The following PDE11A variants were observed in gnomAD, a reference collection of about 807,000 sequenced individuals.
PDE11A encodes the protein phosphodiesterase 11A.
A neutral mutation model predicts 100.5 loss-of-function variants in PDE11A; 100 were observed. That is an observed-to-expected ratio of 1.00 (90% CI 0.85 to 1.18). The LOEUF is 1.18. PDE11A is among the 50% of genes most tolerant of loss of function. The probability of loss-of-function intolerance (pLI) is 0.00; values close to 1 mark genes in which losing one functional copy is unlikely to be tolerated. For synonymous variants in PDE11A, 381 were observed against 420.8 expected (o/e 0.91, Z 1.16); for missense variants, 1,141 against 1,152.6 (o/e 0.99, Z 0.15).
At chr2:177,837,567 G>A (rs1422148418) in intron 6 of PDE11A, among the ~76,000 whole-genome samples, 2 of 151,402 alleles carry the variant, frequency 1.3e-5, no homozygotes, top group East Asian at 1.9e-4. Context: ...TCTGCTTCCC[G>A]GGTTTACGGA....
intron 4 of PDE11A, among the ~76,000 whole-genome samples, chr2:177,885,813 A>G (rs929588828): frequency 1.3e-5 from 2 of 152,218 alleles, no homozygotes; most frequent in South Asian, 4.1e-4. Flanking sequence ...ATGTACATTT[A>G]CATAAGGACC....
At chr2:177,919,869 C>A (rs900117844) in intron 2 of PDE11A, among the ~76,000 whole-genome samples, 1 of 151,824 alleles carries the variant, frequency 6.6e-6, no homozygotes, top group African/African-American at 2.4e-5. Context: ...ATAAGAGGAA[C>A]CAATTGTAAG....
chr2:178,033,736 G>A (rs2086575968), intron 1 of PDE11A, among the ~76,000 whole-genome samples: 1 of 151,924 alleles, frequency 6.6e-6, no homozygotes, highest in African/African-American at 2.4e-5. Context: ...AGAGAGTGGG[G>A]GCCAATATTC....
At chr2:177,711,360 T>G (rs1034834605) in intron 13 of PDE11A, among the ~76,000 whole-genome samples, 1 of 152,258 alleles carries the variant, frequency 6.6e-6, no homozygotes, top group Non-Finnish European at 1.5e-5. Flanking sequence ...GAAGAGACTC[T>G]GTTGGAGAAG....
chr2:177,831,673 T>G (rs974452641), intron 6 of PDE11A, among the ~76,000 whole-genome samples: 4 of 152,190 alleles, frequency 2.6e-5, no homozygotes, highest in Non-Finnish European at 5.9e-5. Context: ...CATTCATAAG[T>G]TGCTGCTGAA....
chr2:177,705,290 T>C (rs1184165175), intron 13 of PDE11A, among the ~76,000 whole-genome samples: 1 of 152,086 alleles, frequency 6.6e-6, no homozygotes, highest in Non-Finnish European at 1.5e-5. Flanking sequence ...GCACACCTCA[T>C]TTTAATTGTT....
At chr2:177,787,991 T>C (rs2082565621) in intron 9 of PDE11A, among the ~76,000 whole-genome samples, 1 of 151,584 alleles carries the variant, frequency 6.6e-6, no homozygotes, top group African/African-American at 2.4e-5. Context: ...AGACAGAAAG[T>C]TAACAAGGAT....
rs2086288189 is a variant in PDE11A, at chr2:178,012,847, G to A, written c.1071+1455C>T. On this transcript the variant is annotated intron_variant, in intron 2 of 19. Transcript: ENST00000286063. The stretch of plus-strand genomic sequence containing the variant: ...AGGGGTATGGTATGGGTATGTAGTG[G>A]TTATATTTGGAAAGACGCAAAACCC... Among the ~76,000 whole-genome samples, 3 of 152,114 alleles carry A rather than the reference G, an allele frequency of 2.0e-5. No homozygotes were observed. The South Asian group carries it at 6.2e-4, about 32-fold the overall frequency.
intron 5 of PDE11A, among the ~76,000 whole-genome samples, chr2:177,846,726 T>C (rs1036801693): frequency 6.6e-5 from 10 of 152,294 alleles, no homozygotes; most frequent in Admixed American, 2.6e-4. Context: ...TTGCTTGAAG[T>C]TGCATCCACC....
chr2:177,983,955 C>G (rs1218078596), intron 2 of PDE11A, among the ~76,000 whole-genome samples: 2 of 152,098 alleles, frequency 1.3e-5, no homozygotes, highest in African/African-American at 4.8e-5. Context: ...ATGACAAAAC[C>G]GACTCCCAAA....
At chr2:177,791,201 G>A (rs1574146146) in intron 9 of PDE11A, among the ~76,000 whole-genome samples, 1 of 151,950 alleles carries the variant, frequency 6.6e-6, no homozygotes, top group Non-Finnish European at 1.5e-5. Context: ...GAAATACTAT[G>A]CAGCCATAAA....
In PDE11A at chr2:178,072,776, C is replaced by A; in HGVS notation, c.-339G>T. 7.9e-7 allele frequency: 1 copy of A among 1,260,404 alleles called. No homozygotes were observed. Among genetic ancestry groups the A allele is most frequent in the Non-Finnish European group, 1.0e-6 (1 of 990,514 alleles). 78.1% of individuals were successfully genotyped at this position (1,260,404 alleles called of 1,614,324 possible). On this transcript the variant is annotated 5_prime_UTR_variant, in exon 1 of 20. Transcript: ENST00000286063. ...GCTGCTGCTGGAACTGCTGCTGTAA[C>A]CGGATGAGTGGACCGCTGTGACAGG...
chr2:177,793,350 G>C (rs114693982), intron 9 of PDE11A, among the ~76,000 whole-genome samples: 1 of 151,980 alleles, frequency 6.6e-6, no homozygotes, highest in African/African-American at 2.4e-5. Context: ...ATTCCCTTGG[G>C]GTAGTATATA....
chr2:177,996,991 A>G (rs1244575661), intron 2 of PDE11A, among the ~76,000 whole-genome samples: 3 of 152,250 alleles, frequency 2.0e-5, no homozygotes, highest in African/African-American at 7.2e-5. Context: ...CAGACGAAGC[A>G]TCCAAACATA....
At chr2:177,736,307 T>A (rs181661035) in intron 10 of PDE11A, among the ~76,000 whole-genome samples, 95 of 151,612 alleles carry the variant, frequency 6.3e-4, no homozygotes, top group African/African-American at 2.3e-3. Context: ...AGGTCAGGAG[T>A]TCGAGACCAG....
intron 10 of PDE11A, among the ~76,000 whole-genome samples, chr2:177,752,341 G>A (rs55662328): frequency 0.019 from 2,841 of 152,156 alleles, 91 homozygotes; most frequent in African/African-American, 0.065. Flanking sequence ...CTCTTATAAT[G>A]GTAACAACAT....
intron 2 of PDE11A, among the ~76,000 whole-genome samples, chr2:177,961,708 A>G (rs1403447299): frequency 2.6e-5 from 4 of 152,204 alleles, no homozygotes; most frequent in African/African-American, 4.8e-5. Flanking sequence ...ATTTTAGATC[A>G]TGACCATAAT....
At chr2:177,935,249 C>T (rs371365411) in intron 2 of PDE11A, among the ~76,000 whole-genome samples, 6 of 152,280 alleles carry the variant, frequency 3.9e-5, no homozygotes, top group African/African-American at 1.4e-4. Flanking sequence ...CATGGCCCTC[C>T]ACCTTTTACC....
intron 2 of PDE11A, among the ~76,000 whole-genome samples, chr2:177,972,489 A>C (rs541847475): frequency 6.6e-6 from 1 of 152,344 alleles, no homozygotes; most frequent in African/African-American, 2.4e-5. Flanking sequence ...TGGCCACATC[A>C]GGTGTAAAAT....
Sources: gnomAD v4.1 joint callset for allele counts (sites outside exome capture counted in the v4.1 genomes callset) on GRCh38, gnomAD v4.1.1 for gene constraint, MANE v1.5 for transcripts, NCBI Gene and HGNC (gene_info 2026-07-23, HGNC 2026-07-21) for gene names.